The following RTL1 variants were observed in gnomAD, a reference collection of about 807,000 sequenced individuals.
The protein encoded by RTL1 is retrotransposon Gag like 1.
For synonymous variants in RTL1, 727 were observed against 748.4 expected (o/e 0.97, Z 0.47); for missense variants, 1,681 against 1,767.5 (o/e 0.95, Z 0.88).
chr14:100,899,446 C>G (rs372004558), intron 2 of RTL1, among the ~76,000 whole-genome samples: 2 of 152,138 alleles, frequency 1.3e-5, no homozygotes, highest in South Asian at 2.1e-4. Context: ...CCTTTGGGAC[C>G]GAGTCATATT....
Position 100,902,301 on chromosome 14 carries a change from GCAATACCCCCAC to G in RTL1, c.-149+978_-149+989del, listed in dbSNP as rs902586808. Among the ~76,000 whole-genome samples, 18 of 152,166 alleles carry G rather than the reference GCAATACCCCCAC, an allele frequency of 1.2e-4. 1 individual carries two copies. Among genetic ancestry groups the G allele is most frequent in the Admixed American group, 1.0e-3 (16 of 15,286 alleles). On this transcript the variant is annotated intron_variant, in intron 2 of 3. Coordinates refer to ENST00000649591, the MANE Select transcript of RTL1 (RefSeq NM_001134888.3). ...AGTCCTCTCCTTTCTGTGCTGAATGGCAATACCCCCACCAATGGTGGGAACAGGATTGGGCGC... is the reference window on the plus strand; with the variant it reads ...AGTCCTCTCCTTTCTGTGCTGAATGGCAATGGTGGGAACAGGATTGGGCGC...
Position 100,884,165 on chromosome 14 carries a change from G to T in RTL1, c.624C>A (p.Gly208=), listed in dbSNP as rs1323500317. The change falls in exon 4 of 4, where the codon GGC becomes GGA. Residue 208 remains glycine (G), a synonymous_variant. Transcript: ENST00000649591. The part of the protein sequence containing the change: ...GQLPAPKHFS[G]DRREFHEFIV... ...TGAACTCGTGGAATTCTCTGCGATC[G>T]CCAGAGAAGTGCTTTGGGGCGGGCA... 5 of 1,551,680 alleles carry T rather than the reference G, an allele frequency of 3.2e-6. No homozygotes were observed. Among genetic ancestry groups the T allele is most frequent in the South Asian group, 1.2e-5 (1 of 84,066 alleles).
Position 100,882,134 on chromosome 14 carries a change from G to A in RTL1, c.2655C>T (p.Ala885=), listed in dbSNP as rs1283966550. 5.1e-6 allele frequency: 8 copies of A among 1,553,878 alleles called. No homozygotes were observed. The highest frequency in any genetic ancestry group is 2.4e-5 in the South Asian group (2 of 84,714). The change falls in exon 4 of 4, where the codon GCC becomes GCT. Residue 885 remains alanine, a synonymous_variant. Transcript: ENST00000649591. ...FYLETGVTGT[A]LHASLIQIDD... is the part of the protein sequence containing the mutation. ...CGATTTGGATCAGGGAGGCGTGCAGGGCCGTGCCGGTGACGCCGGTTTCCA... is the reference window on the plus strand; with the variant it reads ...CGATTTGGATCAGGGAGGCGTGCAGAGCCGTGCCGGTGACGCCGGTTTCCA...
chr14:100,889,892 A>G (rs2038745937), intron 3 of RTL1: 1 of 152,014 alleles, frequency 6.6e-6, no homozygotes, highest in African/African-American at 2.4e-5. Flanking sequence ...GCACTCTGGG[A>G]TTCCCATCTG....
At position 100,883,496 on chromosome 14, in the gene RTL1, C is replaced by T. The variant is rs370281408; in HGVS notation, c.1293G>A (p.Ser431=). 13 of 1,551,348 alleles carry T rather than the reference C, an allele frequency of 8.4e-6. No individual in the cohort carries two copies. In the African/African-American group the frequency reaches 1.4e-4, roughly 16 times the overall value. The change falls in exon 4 of 4, where the codon TCG becomes TCA. Residue 431 remains serine, a synonymous_variant. Transcript: ENST00000649591. The surrounding 1 kb of genome is among the most constrained non-coding windows in gnomAD (Gnocchi z 5.9). ...CATCCATGAAGTTGCCGTCAGCTCC[C>T]GAATCCACCAGGGCCTGGACCGCGA... is the stretch of plus-strand genomic sequence containing the variant. ...HSVAVQALVD[S]GADGNFMDEK...
intron 3 of RTL1, among the ~76,000 whole-genome samples, chr14:100,887,384 GAAC>G (rs1864839571): frequency 1.3e-5 from 2 of 152,104 alleles, no homozygotes; most frequent in African/African-American, 4.8e-5. Context: ...TTTTAGCATA[GAAC>G]AATACATTTT....
chr14:100,903,234 CTA>C (rs1252821753), intron 2 of RTL1, among the ~76,000 whole-genome samples, 55 bp downstream of exon 2: 2 of 152,156 alleles, frequency 1.3e-5, no homozygotes, highest in Non-Finnish European at 2.9e-5. Context: ...ATCCCATAGA[CTA>C]TGGGACAGAC....
intron 2 of RTL1, among the ~76,000 whole-genome samples, chr14:100,895,323 C>A (rs1174637309): frequency 6.6e-6 from 1 of 151,944 alleles, no homozygotes; most frequent in Non-Finnish European, 1.5e-5. Flanking sequence ...TCAGACAGGG[C>A]AGGGTTTGCT....
In RTL1 at chr14:100,888,905, C is replaced by T. The variant is rs145555607; in HGVS notation, c.-86-4031G>A. Among the ~76,000 whole-genome samples, 457 of 152,270 alleles carry T rather than the reference C, an allele frequency of 3.0e-3. 2 individuals are homozygous for T. The highest frequency in any genetic ancestry group is 6.8e-3 in the Middle Eastern group (2 of 294). On this transcript the variant is annotated intron_variant, in intron 3 of 3. Coordinates refer to ENST00000649591, the MANE Select transcript of RTL1 (RefSeq NM_001134888.3). ...TCTGCAGGTTGAAATTGGCACTCCC[C>T]CAAGATAGAAATTCAAAATGTTTGC...
intron 2 of RTL1, among the ~76,000 whole-genome samples, chr14:100,900,031 C>T (rs142666436): frequency 1.6e-3 from 240 of 152,278 alleles, no homozygotes; most frequent in African/African-American, 5.0e-3. Flanking sequence ...ACCTGGGGGC[C>T]GGGGAAGGGG....
At chr14:100,897,188 C>T (rs2038869612) in intron 2 of RTL1, among the ~76,000 whole-genome samples, 1 of 152,180 alleles carries the variant, frequency 6.6e-6, no homozygotes, top group Non-Finnish European at 1.5e-5. Context: ...TCCCCTGTGT[C>T]TGCAGAACTT....
Position 100,882,902 on chromosome 14 carries a change from T to C in RTL1, c.1887A>G (p.Leu629=), listed in dbSNP as rs780980128. The change falls in exon 4 of 4, where the codon CTA becomes CTG. Residue 629 remains leucine, a synonymous_variant. Transcript: ENST00000649591. ...CCTGCAGGTCCCAGTATTCCTCCTG[T>C]AGCCTGGCTCTTTCTTGCATCCTGG... is the stretch of plus-strand genomic sequence containing the variant. ...VGARMQERAR[L]QEEYWDLQDM... 1 of 1,600,980 alleles carries C rather than the reference T, an allele frequency of 6.2e-7. No individual in the cohort carries two copies. The highest frequency in any genetic ancestry group is 1.1e-5 in the South Asian group (1 of 89,402).
At position 100,882,617 on chromosome 14, in the gene RTL1, T is replaced by C. The variant is rs2038634248; in HGVS notation, c.2172A>G (p.Leu724=). Residue 724 remains leucine (L), a synonymous_variant, in exon 4 of 4, where the codon CTA becomes CTG. Transcript: ENST00000649591. The part of the protein sequence containing the change: ...NVIHFILKDM[L]GFFVLSYGQE... The stretch of plus-strand genomic sequence containing the variant: ...GGCCATAAGAAAGCACAAAGAACCC[T>C]AGCATGTCCTTTAGGATGAAGTGAA... The C allele has an allele frequency of 3.2e-6, 5 of 1,551,588 alleles. No individual in the cohort carries two copies. The highest frequency in any genetic ancestry group is 4.4e-6 in the Non-Finnish European group (5 of 1,147,006).
At chr14:100,902,265 C>G (rs1405736767) in intron 2 of RTL1, among the ~76,000 whole-genome samples, 1 of 152,178 alleles carries the variant, frequency 6.6e-6, no homozygotes, top group Non-Finnish European at 1.5e-5. Context: ...CTGTGGGCTC[C>G]CTCTCTTTTC....
At position 100,883,538 on chromosome 14, in the gene RTL1, C is replaced by G; in HGVS notation, c.1251G>C (p.Val417=). The change falls in exon 4 of 4, where the codon GTG becomes GTC. Residue 417 remains valine, a synonymous_variant. Coordinates refer to ENST00000649591, the MANE Select transcript of RTL1 (RefSeq NM_001134888.3). This position sits in a 1 kb window ranked among gnomAD's most constrained non-coding sequence, Gnocchi z 5.9. The part of the protein sequence containing the change: ...AHLFLLLMVR[V]NPYHSVAVQA... The stretch of plus-strand genomic sequence containing the variant: ...GGACCGCGACGCTGTGGTAGGGGTT[C>G]ACTCTCACCATGAGCAGCAGGAAGA... 1 of 1,551,534 alleles carries G rather than the reference C, an allele frequency of 6.4e-7. No individual in the cohort carries two copies. The highest frequency in any genetic ancestry group is 8.7e-7 in the Non-Finnish European group (1 of 1,146,996).
chr14:100,886,920 G>A (rs546558010), intron 3 of RTL1, among the ~76,000 whole-genome samples: 6 of 152,120 alleles, frequency 3.9e-5, no homozygotes, highest in Non-Finnish European at 5.9e-5. Context: ...TTACAAATTC[G>A]ACCATGTGAA....
At chr14:100,892,736 T>A (rs1395761211) in intron 3 of RTL1, among the ~76,000 whole-genome samples, 2 of 151,806 alleles carry the variant, frequency 1.3e-5, no homozygotes, top group African/African-American at 4.8e-5. Context: ...CTGGAGTTGG[T>A]GAGGGGTACG....
At chr14:100,896,116 C>G (rs769063867) in intron 2 of RTL1, among the ~76,000 whole-genome samples, 4 of 151,944 alleles carry the variant, frequency 2.6e-5, no homozygotes, top group Admixed American at 6.5e-5. Flanking sequence ...TAGCAATCAC[C>G]TCAAGGTTTT....
At chr14:100,886,241 C>T (rs2038696825) in intron 3 of RTL1, among the ~76,000 whole-genome samples, 1 of 152,064 alleles carries the variant, frequency 6.6e-6, no homozygotes, top group Non-Finnish European at 1.5e-5. Flanking sequence ...ACTGCGTTCC[C>T]CCTTACGTGA....
Sources: gnomAD v4.1 joint callset for allele counts (sites outside exome capture counted in the v4.1 genomes callset) on GRCh38, gnomAD v4.1.1 for gene constraint, Gnocchi (gnomAD v3.1) non-coding constraint, MANE v1.5 for transcripts, NCBI Gene and HGNC (gene_info 2026-07-23, HGNC 2026-07-21) for gene names.